ADAMTSL3: variants seen among roughly 807,000 people sequenced by gnomAD.
The protein encoded by ADAMTSL3 is ADAMTS like 3.
ADAMTSL3 carries 128 observed loss-of-function variants against 201.7 expected under a neutral mutation model. The observed-to-expected ratio is 0.63, with a 90% CI of 0.55 to 0.73. The LOEUF is 0.73. ADAMTSL3 is among the 30% of genes least tolerant of loss of function. The pLI is 0.00. For missense variants in ADAMTSL3, 1,990 were observed against 2,119.6 expected (o/e 0.94, Z 1.20); for synonymous variants, 738 against 748.4 (o/e 0.99, Z 0.23).
At chr15:83,816,662 G>A (rs2063776731) in intron 5 of ADAMTSL3, among the ~76,000 whole-genome samples, 1 of 152,176 alleles carries the variant, frequency 6.6e-6, no homozygotes, top group Admixed American at 6.5e-5. Flanking sequence ...TTTTGTAACT[G>A]ATGATCCTTC....
intron 5 of ADAMTSL3, among the ~76,000 whole-genome samples, chr15:83,812,738 C>T (rs754156313): frequency 2.2e-4 from 33 of 152,198 alleles, no homozygotes; most frequent in East Asian, 5.8e-4. Context: ...GTTGTCTATA[C>T]GTGTTGACTT....
chr15:83,687,547 C>A (rs1055873642), intron 2 of ADAMTSL3, among the ~76,000 whole-genome samples: 1 of 152,066 alleles, frequency 6.6e-6, no homozygotes, highest in Non-Finnish European at 1.5e-5. Flanking sequence ...ATCACTCAGA[C>A]CACAGCTAGC....
intron 17 of ADAMTSL3, among the ~76,000 whole-genome samples, chr15:83,932,508 C>A (rs1289843856): frequency 1.3e-5 from 2 of 152,076 alleles, no homozygotes; most frequent in Admixed American, 6.6e-5. Flanking sequence ...CAGGGTCTAC[C>A]TCAATGGAAA....
At chr15:83,844,889 A>G (rs769134022) in intron 7 of ADAMTSL3, among the ~76,000 whole-genome samples, 1 of 152,218 alleles carries the variant, frequency 6.6e-6, no homozygotes, top group Non-Finnish European at 1.5e-5. Flanking sequence ...CCTTACACCT[A>G]TGATGAAATC....
At chr15:83,700,506 G>C (rs1311172420) in intron 2 of ADAMTSL3, among the ~76,000 whole-genome samples, 1 of 152,220 alleles carries the variant, frequency 6.6e-6, no homozygotes, top group Non-Finnish European at 1.5e-5. Flanking sequence ...GCTCATGCCT[G>C]TAATCCCAGC....
chr15:83,981,452 G>A (rs944590268), intron 20 of ADAMTSL3, among the ~76,000 whole-genome samples: 8 of 152,172 alleles, frequency 5.3e-5, no homozygotes, highest in Non-Finnish European at 8.8e-5. Flanking sequence ...TTATGTGCCC[G>A]CTACTGTGCT....
intron 6 of ADAMTSL3, among the ~76,000 whole-genome samples, chr15:83,831,286 G>T (rs1163962245): frequency 2.0e-5 from 3 of 151,916 alleles, no homozygotes; most frequent in Admixed American, 2.0e-4. Context: ...GTCTTTTTTT[G>T]GGGGGAGTGC....
intron 20 of ADAMTSL3, among the ~76,000 whole-genome samples, chr15:83,973,442 C>T (rs1222825489): frequency 1.3e-5 from 2 of 152,258 alleles, no homozygotes; most frequent in Admixed American, 1.3e-4. Context: ...CAGCTTCAAC[C>T]CTGGTATTAC....
At chr15:83,949,743 G>A (rs749949857) in intron 19 of ADAMTSL3, among the ~76,000 whole-genome samples, 19 of 151,972 alleles carry the variant, frequency 1.3e-4, no homozygotes, top group Admixed American at 2.0e-4. Context: ...GTTCTGATTC[G>A]CATTTCTCTG....
intron 4 of ADAMTSL3, among the ~76,000 whole-genome samples, chr15:83,777,055 C>T (rs879571589): frequency 6.8e-5 from 10 of 147,794 alleles, no homozygotes; most frequent in Non-Finnish European, 1.2e-4. Flanking sequence ...GATCCTACCC[C>T]ACCCTGAGCA....
chr15:83,660,751 A>G (rs1272813058), intron 2 of ADAMTSL3, among the ~76,000 whole-genome samples: 1 of 152,110 alleles, frequency 6.6e-6, no homozygotes, highest in East Asian at 1.9e-4. Flanking sequence ...CTCTGATGGT[A>G]GTTTCTTTTG....
chr15:83,848,397 A>T (rs779825609), intron 7 of ADAMTSL3, among the ~76,000 whole-genome samples: 5 of 152,248 alleles, frequency 3.3e-5, no homozygotes, highest in Non-Finnish European at 5.9e-5. Flanking sequence ...TGTGTGGACA[A>T]TTTATTTCCT....
chr15:83,796,554 A>G lies in ADAMTSL3; in HGVS notation c.318-8096A>G, dbSNP rs767069204. The stretch of plus-strand genomic sequence containing the variant: ...TATAGGAAATCTCAACATCATAAAC[A>G]TACCAATTTTCCCCTATGTTAATCT... On this transcript the variant is annotated intron_variant, in intron 4 of 29. Coordinates refer to ENST00000286744, the MANE Select transcript of ADAMTSL3 (RefSeq NM_207517.3). Among the ~76,000 whole-genome samples, 56 of 152,364 alleles carry G rather than the reference A, an allele frequency of 3.7e-4. 1 individual carries two copies. Among genetic ancestry groups the G allele is most frequent in the South Asian group, 6.2e-4 (3 of 4,828 alleles).
At chr15:83,877,434 A>G (rs188938424) in intron 9 of ADAMTSL3, among the ~76,000 whole-genome samples, 10 of 152,296 alleles carry the variant, frequency 6.6e-5, no homozygotes, top group Admixed American at 5.9e-4. Flanking sequence ...ATAACAATGT[A>G]TTTATGGACC....
intron 19 of ADAMTSL3, among the ~76,000 whole-genome samples, chr15:83,963,641 C>T (rs1378888947): frequency 1.3e-5 from 2 of 152,240 alleles, no homozygotes; most frequent in African/African-American, 2.4e-5. Flanking sequence ...TCTCCCAGCA[C>T]AGTGCTCAAG....
chr15:83,687,111 G>A (rs1188667683), intron 2 of ADAMTSL3, among the ~76,000 whole-genome samples: 1 of 152,106 alleles, frequency 6.6e-6, no homozygotes, highest in Non-Finnish European at 1.5e-5. Context: ...GGCTGAGGTG[G>A]GGGAGTCCCT....
chr15:83,811,209 T>C (rs2063690110), intron 5 of ADAMTSL3, among the ~76,000 whole-genome samples: 1 of 152,200 alleles, frequency 6.6e-6, no homozygotes, highest in Non-Finnish European at 1.5e-5. Flanking sequence ...GGTTAGGTCA[T>C]GGACATCTTG....
intron 19 of ADAMTSL3, among the ~76,000 whole-genome samples, chr15:83,950,500 T>C (rs893501521): frequency 5.3e-5 from 8 of 152,026 alleles, no homozygotes; most frequent in Non-Finnish European, 8.8e-5. Flanking sequence ...GGTCTTTTGT[T>C]GTTCTTTATA....
chr15:84,031,376 G>A lies in ADAMTSL3; in HGVS notation c.4698G>A (p.Gln1566=). ...TGGGCCGTGCTGTGAGGATGCAGCA[G>A]CGTCACACAGCTTGTCAACACAACA... is the stretch of plus-strand genomic sequence containing the variant. The part of the protein sequence containing the change: ...RCMGRAVRMQ[Q]RHTACQHNSS... Residue 1566 remains glutamine (Q), a synonymous_variant, in exon 28 of 30, where the codon CAG becomes CAA. Transcript: ENST00000286744. The A allele has an allele frequency of 6.2e-7, 1 of 1,614,080 alleles. No homozygotes were observed.
Sources: gnomAD v4.1 joint callset for allele counts (sites outside exome capture counted in the v4.1 genomes callset) on GRCh38, gnomAD v4.1.1 for gene constraint, MANE v1.5 for transcripts, NCBI Gene and HGNC (gene_info 2026-07-23, HGNC 2026-07-21) for gene names.